Variants in PREX2 observed in about 807,000 individuals in gnomAD.
PREX2 encodes phosphatidylinositol-3,4,5-trisphosphate dependent Rac exchange factor 2.
A neutral mutation model predicts 203.2 loss-of-function variants in PREX2; 107 were observed. The observed-to-expected ratio is 0.53, with a 90% confidence interval of 0.45 to 0.62. The LOEUF is 0.62. Among genes scored for constraint, PREX2 ranks in the 20% least tolerant of loss-of-function variants. The pLI is 0.00. For missense variants in PREX2, 1,777 were observed against 1,955.9 expected (o/e 0.91, Z 1.72); for synonymous variants, 672 against 663.6 (o/e 1.01, Z -0.19).
At chr8:67,989,854 T>G (rs1306094131) in intron 1 of PREX2, among the ~76,000 whole-genome samples, 1 of 152,228 alleles carries the variant, frequency 6.6e-6, no homozygotes, top group African/African-American at 2.4e-5. Context: ...TCTCCATATG[T>G]TTTTAAATAT....
Position 68,215,519 on chromosome 8 carries a change from G to C in PREX2, c.4605-2097G>C, listed in dbSNP as rs536787824. Among the ~76,000 whole-genome samples the C allele has an allele frequency of 1.8e-4, 26 of 147,116 alleles. No homozygotes were observed. The East Asian group carries it at 4.1e-3, about 23-fold the overall frequency. Reference sequence around the variant, plus strand: ...CTGTTGAGTAAGCTGGCAGTTAAATGCTTTGTAGAAAACTGATTTTTTTTT... The same window carrying C: ...CTGTTGAGTAAGCTGGCAGTTAAATCCTTTGTAGAAAACTGATTTTTTTTT... On this transcript the variant is annotated intron_variant, in intron 37 of 39. Coordinates refer to ENST00000288368, the MANE Select transcript of PREX2 (RefSeq NM_024870.4).
At chr8:68,041,065 C>A (rs781462835) in intron 7 of PREX2, among the ~76,000 whole-genome samples, 1 of 152,046 alleles carries the variant, frequency 6.6e-6, no homozygotes, top group Non-Finnish European at 1.5e-5. Context: ...TGAGAAGTTT[C>A]CTGAGCCTTT....
chr8:68,226,195 A>C (rs182918199), intron 39 of PREX2, among the ~76,000 whole-genome samples: 1 of 152,324 alleles, frequency 6.6e-6, no homozygotes, highest in Admixed American at 6.5e-5. Flanking sequence ...TCATTCTGCA[A>C]ATATTTATTG....
At chr8:67,973,048 C>T (rs1805969755) in intron 1 of PREX2, among the ~76,000 whole-genome samples, 2 of 152,098 alleles carry the variant, frequency 1.3e-5, no homozygotes, top group Non-Finnish European at 2.9e-5. Flanking sequence ...TATCTTTCAT[C>T]CCTTGTTCAG....
chr8:67,987,731 C>T (rs953872442), intron 1 of PREX2, among the ~76,000 whole-genome samples: 1 of 152,200 alleles, frequency 6.6e-6, no homozygotes, highest in Non-Finnish European at 1.5e-5. Context: ...CGTTCTCGGT[C>T]TGTAATGCTC....
At chr8:68,114,392 A>G in intron 25 of PREX2, 1 of 466,318 alleles carries the variant, frequency 2.1e-6, no homozygotes, top group Non-Finnish European at 4.4e-6. Context: ...TTGGAACTGA[A>G]AATCACAGGT....
In PREX2 at chr8:68,047,502, TATATACAC is replaced by T. The variant is rs1237751931; in HGVS notation, c.943+2916_943+2923del. 9.6e-3 allele frequency among the ~76,000 whole-genome samples: 458 copies of T among 47,578 alleles called. 4 individuals carry two copies. Among genetic ancestry groups the T allele is most frequent in the African/African-American group, 0.05 (261 of 5,186 alleles). The allele number at this position is 47,578 out of a possible 152,430, so 31.2% of individuals were successfully genotyped here. On this transcript the variant is annotated intron_variant, in intron 8 of 39. Coordinates refer to ENST00000288368, the MANE Select transcript of PREX2 (RefSeq NM_024870.4). ...ATATATATATATATATATATATATATATATACACATACATATATATATATGTATTTTTT... is the reference window on the plus strand; with the variant it reads ...ATATATATATATATATATATATATATATACATATATATATATGTATTTTTT...
rs760851660 is a variant in PREX2, at chr8:68,087,711, C to T, written c.2028-13C>T. ...CTTACGCTTCATCTTACCTTATTTT[C>T]TGATTGATTTAGGACAGTGAAAATT... is the stretch of plus-strand genomic sequence containing the variant. On this transcript the variant is annotated splice_polypyrimidine_tract_variant and intron_variant, in intron 18 of 39. Coordinates refer to ENST00000288368, the MANE Select transcript of PREX2 (RefSeq NM_024870.4). The T allele has an allele frequency of 3.1e-6, 5 of 1,598,160 alleles. No homozygotes were observed. The highest frequency in any genetic ancestry group is 1.7e-5 in the Admixed American group (1 of 59,974).
chr8:68,168,508 C>A (rs1016809467), intron 35 of PREX2, among the ~76,000 whole-genome samples: 2 of 152,216 alleles, frequency 1.3e-5, no homozygotes, highest in African/African-American at 4.8e-5. Context: ...ATCTCCAGTA[C>A]AAATTAGGTG....
At chr8:68,025,157 T>C (rs1009625469) in intron 4 of PREX2, among the ~76,000 whole-genome samples, 1 of 151,982 alleles carries the variant, frequency 6.6e-6, no homozygotes, top group Non-Finnish European at 1.5e-5. Context: ...TTCTTCTTCT[T>C]GTAAGTCAGT....
chr8:68,201,937 C>T (rs941216561), intron 37 of PREX2, among the ~76,000 whole-genome samples: 9 of 132,032 alleles, frequency 6.8e-5, no homozygotes, highest in African/African-American at 1.2e-4. Flanking sequence ...GATGGAGTCT[C>T]GCTCTGTCAC....
chr8:67,976,214 C>G (rs1474708321), intron 1 of PREX2, among the ~76,000 whole-genome samples: 1 of 152,102 alleles, frequency 6.6e-6, no homozygotes, highest in Non-Finnish European at 1.5e-5. Context: ...AAGACTAGGT[C>G]TTAAGGGCTC....
Position 68,192,365 on chromosome 8 carries a change from C to T in PREX2, c.4444C>T (p.Leu1482Phe), listed in dbSNP as rs761771548. ...GAGGCCTCTCAACGCTTTGGATGAA[C>T]TTTACCGACTGGTAGCCTCGTTTAT... ...LMRPLNALDE[L>F]YRLVASFIRS... Residue 1482 changes from leucine (L) to phenylalanine (F), a missense_variant, in exon 37 of 40, where the codon CTT becomes TTT. By Grantham distance (22) the Leu-to-Phe change is conservative. Coordinates refer to ENST00000288368, the MANE Select transcript of PREX2 (RefSeq NM_024870.4). The T allele has an allele frequency of 6.2e-7, 1 of 1,608,674 alleles. No homozygotes were observed. The highest frequency in any genetic ancestry group is 8.5e-7 in the Non-Finnish European group (1 of 1,176,544).
chr8:68,108,159 A>G lies in PREX2; in HGVS notation c.2766A>G (p.Lys922=). Residue 922 remains lysine (K), a synonymous_variant, in exon 24 of 40, where the codon AAA becomes AAG. Transcript: ENST00000288368. ...NRAWPTFKQA[K]SKISPLHSSD... is the part of the protein sequence containing the mutation. ...CCTGGCCTACTTTTAAACAGGCCAA[A>G]TCTAAAATCTCCCCACTGCACAGCA... 6.2e-7 allele frequency: 1 copy of G among 1,613,968 alleles called. No homozygotes were observed. Among genetic ancestry groups the G allele is most frequent in the Admixed American group, 1.7e-5 (1 of 59,988 alleles).
intron 35 of PREX2, among the ~76,000 whole-genome samples, chr8:68,161,376 A>G (rs1811650962): frequency 6.6e-6 from 1 of 152,148 alleles, no homozygotes; most frequent in Non-Finnish European, 1.5e-5. Context: ...TACAAGCGTG[A>G]GCCACCATGC....
chr8:67,979,107 T>C (rs938168844), intron 1 of PREX2, among the ~76,000 whole-genome samples: 1 of 152,194 alleles, frequency 6.6e-6, no homozygotes, highest in Non-Finnish European at 1.5e-5. Flanking sequence ...ACTTTGTTTC[T>C]TACAGTGATA....
At position 68,023,163 on chromosome 8, in the gene PREX2, C is replaced by T. The variant is rs1032871578; in HGVS notation, c.441+1023C>T. ...TAGACATTAAACGTGGAATTGATGC[C>T]TGTGTTGTATGATAAGCTCATATTT... On this transcript the variant is annotated intron_variant, in intron 4 of 39. Coordinates refer to ENST00000288368, the MANE Select transcript of PREX2 (RefSeq NM_024870.4). 4.4e-4 allele frequency among the ~76,000 whole-genome samples: 67 copies of T among 152,078 alleles called. 4 individuals carry two copies.
At chr8:68,017,019 G>C (rs576344174) in intron 1 of PREX2, among the ~76,000 whole-genome samples, 297 of 152,280 alleles carry the variant, frequency 2.0e-3, no homozygotes, top group Non-Finnish European at 2.6e-3. Context: ...AATGGATGGT[G>C]TCTTGAGGAC....
At chr8:68,227,322 T>G (rs1268768194) in intron 39 of PREX2, among the ~76,000 whole-genome samples, 2 of 152,098 alleles carry the variant, frequency 1.3e-5, no homozygotes, top group Non-Finnish European at 2.9e-5. Context: ...AAAGGAAGAT[T>G]CTAGGATGAC....
Sources: gnomAD v4.1 joint callset for allele counts (sites outside exome capture counted in the v4.1 genomes callset) on GRCh38, gnomAD v4.1.1 for gene constraint, MANE v1.5 for transcripts, NCBI Gene and HGNC (gene_info 2026-07-23, HGNC 2026-07-21) for gene names.